The following UBN1 variants were observed in gnomAD, a reference collection of about 807,000 sequenced individuals.
UBN1 encodes ubinuclein-1.
UBN1 carries 17 observed loss-of-function variants against 108.5 expected under a neutral mutation model. That is an observed-to-expected ratio of 0.16 (90% CI 0.11 to 0.24). The LOEUF is 0.24. UBN1 is among the 10% of genes least tolerant of loss of function. The pLI is 1.00. For synonymous variants in UBN1, 726 were observed against 564.2 expected, an observed-to-expected ratio of 1.29 and a Z score of -4.07; for missense variants, 1,595 against 1,394.4, an observed-to-expected ratio of 1.14 and a Z score of -2.29.
intron 1 of UBN1, among the ~76,000 whole-genome samples, chr16:4,851,916 G>C (rs1596470690): frequency 6.6e-6 from 1 of 152,044 alleles, no homozygotes; most frequent in Non-Finnish European, 1.5e-5. Context: ...GTACTTATAA[G>C]AGATATGACA....
chr16:4,875,188 G>A lies in UBN1; in HGVS notation c.2778G>A (p.Gln926=). The A allele has an allele frequency of 6.2e-7, 1 of 1,614,236 alleles. No individual in the cohort carries two copies. The highest frequency in any genetic ancestry group is 8.5e-7 in the Non-Finnish European group (1 of 1,180,046). Reference sequence around the variant, plus strand: ...CTTCCTCGGGAGGAACACCAGTCCAGAGTTCTGTTTCTGGGAGCCTGGTCC... The same window carrying A: ...CTTCCTCGGGAGGAACACCAGTCCAAAGTTCTGTTTCTGGGAGCCTGGTCC... ...GSSSSGGTPV[Q]SSVSGSLVPG... is the part of the protein sequence containing the mutation. Residue 926 remains glutamine, a synonymous_variant, in exon 15 of 18, where the codon CAG becomes CAA. Coordinates refer to ENST00000262376, the MANE Select transcript of UBN1 (RefSeq NM_001079514.3).
intron 1 of UBN1, among the ~76,000 whole-genome samples, chr16:4,851,855 T>A (rs995610927): frequency 3.3e-5 from 5 of 152,048 alleles, no homozygotes; most frequent in Non-Finnish European, 7.4e-5. Context: ...ATTTCTTTCA[T>A]CATACCTCAC....
In UBN1 at chr16:4,880,727, CTT is replaced by C. The variant is rs933672430; in HGVS notation, c.*598_*599del. On this transcript the variant is annotated 3_prime_UTR_variant, in exon 18 of 18. Transcript: ENST00000262376. The stretch of plus-strand genomic sequence containing the variant: ...CTCCTCGGAACATGACAATGAAGCT[CTT>C]TTAGAGAAAAGACCTTTGTAGATTC... 7 of 152,652 alleles carry C rather than the reference CTT, an allele frequency of 4.6e-5. No individual in the cohort carries two copies. Among genetic ancestry groups the C allele is most frequent in the African/African-American group, 1.7e-4 (7 of 41,458 alleles). 9.5% of individuals were successfully genotyped at this position (152,652 alleles called of 1,614,324 possible).
chr16:4,861,408 C>T (rs534443443), intron 7 of UBN1, among the ~76,000 whole-genome samples: 62 of 152,274 alleles, frequency 4.1e-4, no homozygotes, highest in South Asian at 1.2e-3. Flanking sequence ...ATGTGATAGA[C>T]GGATGATGTT....
intron 2 of UBN1, 60 bp downstream of exon 2, chr16:4,853,226 T>G: frequency 4.4e-6 from 7 of 1,575,254 alleles, no homozygotes; most frequent in East Asian, 2.3e-5. Context: ...AGTGCATGCA[T>G]GTGGGGCTTC....
rs1297495510 is a variant in UBN1 at position 4,870,906 on chromosome 16, A to T, written c.1493A>T (p.Asp498Val). Reference sequence around the variant, plus strand: ...CGGATTTGTTCGGATGAGGAAGAAGATGAAGAAAAAGGGGGCAGGAGGATA... The same window carrying T: ...CGGATTTGTTCGGATGAGGAAGAAGTTGAAGAAAAAGGGGGCAGGAGGATA... ...RDRICSDEEEDEEKGGRRIMG... is the reference protein window; with the variant it reads ...RDRICSDEEEVEEKGGRRIMG... The change falls in exon 11 of 18, where the codon GAT becomes GTT. Residue 498 changes from aspartate to valine, a missense_variant. Coordinates refer to ENST00000262376, the MANE Select transcript of UBN1 (RefSeq NM_001079514.3). The T allele has an allele frequency of 6.2e-7, 1 of 1,614,050 alleles. No individual in the cohort carries two copies. The highest frequency in any genetic ancestry group is 2.2e-5 in the East Asian group (1 of 44,864).
At position 4,852,964 on chromosome 16, in the gene UBN1, T is replaced by C; in HGVS notation, c.47T>C (p.Leu16Pro). 1 of 1,614,218 alleles carries C rather than the reference T, an allele frequency of 6.2e-7. No homozygotes were observed. The highest frequency in any genetic ancestry group is 1.1e-5 in the South Asian group (1 of 91,080). ...RVQFTSLPGS[L>P]NPAFLKKSRK... Reference sequence around the variant, plus strand: ...CAGTTCACCTCTCTCCCAGGTTCCCTGAATCCTGCGTTTTTGAAGAAGTCC... The same window carrying C: ...CAGTTCACCTCTCTCCCAGGTTCCCCGAATCCTGCGTTTTTGAAGAAGTCC... The change falls in exon 2 of 18, where the codon CTG (leucine) becomes CCG (proline). Residue 16 changes from leucine to proline, a missense_variant. Physicochemically the swap from Leu to Pro is moderately conservative, Grantham distance 98. Coordinates refer to ENST00000262376, the MANE Select transcript of UBN1 (RefSeq NM_001079514.3).
At chr16:4,870,079 G>A in intron 8 of UBN1, 133 bp from the exon 9 acceptor site, 1 of 1,341,138 alleles carries the variant, frequency 7.5e-7, no homozygotes, top group Non-Finnish European at 1.0e-6. Context: ...TGGGCATTCA[G>A]TTACATTGTG....
intron 1 of UBN1, among the ~76,000 whole-genome samples, chr16:4,850,585 A>G (rs1297175213): frequency 6.6e-6 from 1 of 152,148 alleles, no homozygotes; most frequent in Non-Finnish European, 1.5e-5. Context: ...CTCCTTTAAC[A>G]TCTTAGTACG....
At chr16:4,858,507 G>C in intron 3 of UBN1, 61 bp from the exon 4 acceptor site, 1 of 1,487,024 alleles carries the variant, frequency 6.7e-7, no homozygotes, top group South Asian at 1.2e-5. Context: ...GAAGTTCAAG[G>C]CCACAGTTAA....
rs374157065 is a variant in UBN1, at chr16:4,876,191, C to T, written c.3025-680C>T. On this transcript the variant is annotated intron_variant, in intron 15 of 17. Transcript: ENST00000262376. ...GCCAGGATAGTCTCGATCTCCTGACCTCGTGATCTGCCCGCCTCGGCCTCC... is the reference window on the plus strand; with the variant it reads ...GCCAGGATAGTCTCGATCTCCTGACTTCGTGATCTGCCCGCCTCGGCCTCC... Among the ~76,000 whole-genome samples, 4 of 152,190 alleles carry T rather than the reference C, an allele frequency of 2.6e-5. No individual in the cohort carries two copies. In the South Asian group the frequency reaches 8.3e-4, roughly 32 times the overall value.
chr16:4,877,102 C>G lies in UBN1; in HGVS notation c.3256C>G (p.Leu1086Val). The change falls in exon 16 of 18, where the codon CTT (leucine) becomes GTT (valine). Residue 1086 changes from leucine (L) to valine (V), a missense_variant. Transcript: ENST00000262376. The surrounding 1 kb of genome is among the most constrained non-coding windows in gnomAD (Gnocchi z 4.3). The part of the protein sequence containing the change: ...GPAPGSFHHG[L>V]GHSLLAGLHS... Reference sequence around the variant, plus strand: ...TGCCCCCGGGTCCTTCCACCATGGCCTTGGCCACAGTAAGTGCTTCTTTGC... The same window carrying G: ...TGCCCCCGGGTCCTTCCACCATGGCGTTGGCCACAGTAAGTGCTTCTTTGC... 1 of 1,609,088 alleles carries G rather than the reference C, an allele frequency of 6.2e-7. No homozygotes were observed. Among genetic ancestry groups the G allele is most frequent in the Non-Finnish European group, 8.5e-7 (1 of 1,177,758 alleles).
chr16:4,865,636 C>T (rs2087293487), intron 7 of UBN1, among the ~76,000 whole-genome samples: 1 of 152,044 alleles, frequency 6.6e-6, no homozygotes, highest in East Asian at 1.9e-4. Flanking sequence ...CGTCACTGCA[C>T]TCCAGAATGG....
rs1037577215 is a variant in UBN1, at chr16:4,877,405, T to C, written c.3286T>C (p.Ser1096Pro). The change falls in exon 17 of 18, where the codon TCC (serine) becomes CCC (proline). Residue 1096 changes from serine (S) to proline (P), a missense_variant. By Grantham distance (74) the Ser-to-Pro change is moderately conservative (BLOSUM62 -1). Around this residue, in one of 3 missense-constraint regions of UBN1, gnomAD observed 1,398 missense variants for 1,194.7 expected, o/e 1.17. Transcript: ENST00000262376. This position sits in a 1 kb window ranked among gnomAD's most constrained non-coding sequence, Gnocchi z 4.3. ...CTCAGGTCTTCTGGCTGGCTTGCAC[T>C]CCAGCCCGCCCCATGCAGCGCCTCT... ...LGHSLLAGLH[S>P]SPPHAAPLPH... 1.2e-6 allele frequency: 2 copies of C among 1,612,100 alleles called. No individual in the cohort carries two copies. The highest frequency in any genetic ancestry group is 1.7e-4 in the Middle Eastern group (1 of 6,060).
Position 4,880,164 on chromosome 16 carries a change from C to G in UBN1, c.*32C>G. ...CAGAGGCAAGGCTTGCCACTTGGGTCTGGGTGGAATCAGAACGTGCAGGTC... is the reference window on the plus strand; with the variant it reads ...CAGAGGCAAGGCTTGCCACTTGGGTGTGGGTGGAATCAGAACGTGCAGGTC... On this transcript the variant is annotated 3_prime_UTR_variant, in exon 18 of 18. Coordinates refer to ENST00000262376, the MANE Select transcript of UBN1 (RefSeq NM_001079514.3). 1.2e-6 allele frequency: 2 copies of G among 1,612,724 alleles called. No individual in the cohort carries two copies. The highest frequency in any genetic ancestry group is 1.7e-6 in the Non-Finnish European group (2 of 1,178,878).
At chr16:4,863,627 C>T (rs1214723046) in intron 7 of UBN1, among the ~76,000 whole-genome samples, 1 of 151,908 alleles carries the variant, frequency 6.6e-6, no homozygotes, top group Non-Finnish European at 1.5e-5. Flanking sequence ...CCCCCCTTTT[C>T]CCTCTATTAT....
chr16:4,862,567 G>A (rs1436123926), intron 7 of UBN1, among the ~76,000 whole-genome samples: 1 of 152,158 alleles, frequency 6.6e-6, no homozygotes, highest in African/African-American at 2.4e-5. Flanking sequence ...TTAATCCTCT[G>A]GTTCGTAATC....
At chr16:4,858,099 C>CAA (rs2086895128) in intron 3 of UBN1, 23 bp downstream of exon 3, 2 of 1,519,176 alleles carry the variant, frequency 1.3e-6, no homozygotes, top group Admixed American at 3.4e-5. Flanking sequence ...TCTTGAATAA[C>CAA]AAAACAACCT....
intron 4 of UBN1, 36 bp downstream of exon 4, chr16:4,858,699 TG>T (rs757869043): frequency 2.3e-5 from 37 of 1,598,716 alleles, no homozygotes; most frequent in Non-Finnish European, 3.2e-5. Flanking sequence ...TCAGACCCAC[TG>T]TACCTGTAGC....
Sources: allele counts gnomAD v4.1 joint callset (sites outside exome capture counted in the v4.1 genomes callset), GRCh38; gene constraint gnomAD v4.1.1; regional missense constraint gnomAD v4.1.1; non-coding constraint Gnocchi (gnomAD v3.1); transcripts MANE v1.5; gene names NCBI Gene and HGNC (gene_info 2026-07-23, HGNC 2026-07-21).